The following GRIA1 variants were observed in gnomAD, a reference collection of about 807,000 sequenced individuals.
The protein encoded by GRIA1 is glutamate ionotropic receptor AMPA type subunit 1.
A neutral mutation model predicts 99.2 loss-of-function variants in GRIA1; 31 were observed. The observed-to-expected ratio is 0.31, with a 90% confidence interval of 0.23 to 0.42. The LOEUF is 0.42. GRIA1 is among the 10% of genes least tolerant of loss of function. The pLI is 1.00. For synonymous variants in GRIA1, 438 were observed against 432.4 expected, an observed-to-expected ratio of 1.01 and a Z score of -0.16; for missense variants, 782 against 1,157.5, an observed-to-expected ratio of 0.68 and a Z score of 4.71.
intron 11 of GRIA1, among the ~76,000 whole-genome samples, chr5:153,760,592 C>T (rs2149602858): frequency 6.6e-6 from 1 of 152,088 alleles, no homozygotes; most frequent in South Asian, 2.1e-4. Context: ...TTAAAATATC[C>T]ATATCACCCA....
intron 8 of GRIA1, among the ~76,000 whole-genome samples, chr5:153,692,313 T>TG (rs1467790129): frequency 4.6e-5 from 7 of 152,348 alleles, no homozygotes; most frequent in African/African-American, 1.7e-4. Context: ...ATTGGTTGAT[T>TG]GATCTAGATT....
chr5:153,714,471 G>A (rs1200276609), intron 11 of GRIA1, among the ~76,000 whole-genome samples: 2 of 152,098 alleles, frequency 1.3e-5, no homozygotes, highest in African/African-American at 2.4e-5. Context: ...AATGGTGGCT[G>A]CACTAAAAGA....
At chr5:153,745,403 T>C (rs10071736) in intron 11 of GRIA1, among the ~76,000 whole-genome samples, 89,704 of 151,336 alleles carry the variant, frequency 0.59, 27,268 homozygotes, top group East Asian at 0.94. Flanking sequence ...GCCTGGCCAG[T>C]GTGGTGAAAC....
intron 11 of GRIA1, among the ~76,000 whole-genome samples, chr5:153,763,447 G>C (rs1763312319): frequency 6.6e-6 from 1 of 152,184 alleles, no homozygotes; most frequent in African/African-American, 2.4e-5. Flanking sequence ...GCACTTGTCA[G>C]AACGGGCTTA....
chr5:153,536,913 A>AAGTC (rs1758627706), intron 2 of GRIA1, among the ~76,000 whole-genome samples: 1 of 152,116 alleles, frequency 6.6e-6, no homozygotes, highest in South Asian at 2.1e-4. Flanking sequence ...CTGAGATAAG[A>AAGTC]CTATCTGGGT....
At chr5:153,536,020 C>T (rs1361788920) in intron 2 of GRIA1, among the ~76,000 whole-genome samples, 1 of 152,130 alleles carries the variant, frequency 6.6e-6, no homozygotes, top group Non-Finnish European at 1.5e-5. Context: ...TAAAACAAAT[C>T]ATCTACTGTG....
At chr5:153,498,790 A>G (rs1197159736) in intron 2 of GRIA1, among the ~76,000 whole-genome samples, 10 of 151,942 alleles carry the variant, frequency 6.6e-5, no homozygotes, top group Admixed American at 6.5e-4. Context: ...CTTAACTTCT[A>G]TTTTCTAGAG....
At chr5:153,704,650 T>C (rs1758763238) in intron 10 of GRIA1, among the ~76,000 whole-genome samples, 1 of 152,250 alleles carries the variant, frequency 6.6e-6, no homozygotes, top group African/African-American at 2.4e-5. Context: ...CATCACAGGC[T>C]ATTATTCCCA....
At chr5:153,490,412 C>G (rs1753807505), upstream of GRIA1, 2 of 181,614 alleles carry the variant, frequency 1.1e-5, no homozygotes, top group African/African-American at 4.8e-5. Flanking sequence ...CACACACCCC[C>G]ACCTCCACCT....
chr5:153,740,313 G>A (rs927779925), intron 11 of GRIA1, among the ~76,000 whole-genome samples: 1 of 152,226 alleles, frequency 6.6e-6, no homozygotes, highest in Non-Finnish European at 1.5e-5. Flanking sequence ...GGCAGAGTGA[G>A]ATAAGGGAGA....
chr5:153,621,728 T>C (rs1382004136), intron 2 of GRIA1, among the ~76,000 whole-genome samples: 3 of 152,120 alleles, frequency 2.0e-5, no homozygotes, highest in Non-Finnish European at 2.9e-5. Flanking sequence ...TGAAGGCACT[T>C]TGGCAAAATA....
At chr5:153,504,735 A>G (rs1755332147) in intron 2 of GRIA1, among the ~76,000 whole-genome samples, 1 of 152,328 alleles carries the variant, frequency 6.6e-6, no homozygotes, top group South Asian at 2.1e-4. Flanking sequence ...AGAAAGTGCT[A>G]GCCATTCACC....
intron 2 of GRIA1, among the ~76,000 whole-genome samples, chr5:153,596,211 T>C (rs997975668): frequency 6.6e-6 from 1 of 152,206 alleles, no homozygotes; most frequent in African/African-American, 2.4e-5. Flanking sequence ...CCACACAGGG[T>C]ATAACAAGTA....
chr5:153,733,910 A>G (rs1449800208), intron 11 of GRIA1, among the ~76,000 whole-genome samples: 1 of 152,208 alleles, frequency 6.6e-6, no homozygotes, highest in African/African-American at 2.4e-5. Context: ...TAACAATAGC[A>G]GAGAACTTCA....
At position 153,754,931 on chromosome 5, in the gene GRIA1, G is replaced by A. The variant is rs546594207; in HGVS notation, c.1824-9503G>A. Among the ~76,000 whole-genome samples, 8 of 152,310 alleles carry A rather than the reference G, an allele frequency of 5.3e-5. No homozygotes were observed. The East Asian group carries it at 1.5e-3, about 29-fold the overall frequency. On this transcript the variant is annotated intron_variant, in intron 11 of 15. Coordinates refer to ENST00000285900, the MANE Select transcript of GRIA1 (RefSeq NM_000827.4). Reference sequence around the variant, plus strand: ...AGATGCCATAGTTCTGCTGCTATGAGAGCTACATGAGGCTCTGAGTCTTAC... The same window carrying A: ...AGATGCCATAGTTCTGCTGCTATGAAAGCTACATGAGGCTCTGAGTCTTAC...
rs1193545109 is a variant in GRIA1, at chr5:153,741,181, A to G, written c.1824-23253A>G. Among the ~76,000 whole-genome samples, 3 of 151,918 alleles carry G rather than the reference A, an allele frequency of 2.0e-5. No homozygotes were observed. The East Asian group carries it at 5.8e-4, about 29-fold the overall frequency. On this transcript the variant is annotated intron_variant, in intron 11 of 15. Coordinates refer to ENST00000285900, the MANE Select transcript of GRIA1 (RefSeq NM_000827.4). ...TTAGTAGAGATGGTTTCACCGTGTTAGCCAGGATGGACTCGATCTCCTGAC... is the reference window on the plus strand; with the variant it reads ...TTAGTAGAGATGGTTTCACCGTGTTGGCCAGGATGGACTCGATCTCCTGAC...
At chr5:153,804,683 A>G (rs1014620875) in intron 15 of GRIA1, among the ~76,000 whole-genome samples, 1 of 152,084 alleles carries the variant, frequency 6.6e-6, no homozygotes, top group African/African-American at 2.4e-5. Context: ...TAACTATGTC[A>G]TCTTAGGTTT....
intron 2 of GRIA1, among the ~76,000 whole-genome samples, chr5:153,506,316 G>GGTGTGTGTGTGTGTGTGTGTGTGT (rs61220170): frequency 7.1e-5 from 10 of 140,326 alleles, no homozygotes; most frequent in African/African-American, 2.7e-4. Flanking sequence ...TGGCAAGAAG[G>GGTGTGTGTGTGTGTGTGTGTGTGT]GTGTGTGTGT....
At chr5:153,712,826 C>T (rs1030898118) in intron 11 of GRIA1, among the ~76,000 whole-genome samples, 1 of 152,298 alleles carries the variant, frequency 6.6e-6, no homozygotes, top group East Asian at 1.9e-4. Context: ...TGCTGGGACC[C>T]TCTGCGTCAG....
Sources: allele counts gnomAD v4.1 joint callset (sites outside exome capture counted in the v4.1 genomes callset), GRCh38; gene constraint gnomAD v4.1.1; transcripts MANE v1.5; gene names NCBI Gene and HGNC (gene_info 2026-07-23, HGNC 2026-07-21).